Variants in SLCO3A1 observed in about 807,000 individuals in gnomAD.
SLCO3A1 encodes PGE1 transporter.
A neutral mutation model predicts 63.1 loss-of-function variants in SLCO3A1; 27 were observed. The ratio of observed to expected loss-of-function variants is 0.43; its 90% CI spans 0.32 to 0.59. The LOEUF (loss-of-function observed/expected upper bound fraction) is 0.59, where lower values mean the gene tolerates loss of function less well. SLCO3A1 is among the 20% of genes least tolerant of loss of function. SLCO3A1 has a pLI of 0.09. For synonymous variants in SLCO3A1, 473 were observed against 409.9 expected, an observed-to-expected ratio of 1.15 and a Z score of -1.86; for missense variants, 773 against 945.8, an observed-to-expected ratio of 0.82 and a Z score of 2.40.
chr15:91,976,639 C>G (rs1901123997), intron 2 of SLCO3A1, among the ~76,000 whole-genome samples: 1 of 152,112 alleles, frequency 6.6e-6, no homozygotes. Flanking sequence ...AGGTTCTTTT[C>G]TATTTTCCTT....
intron 2 of SLCO3A1, among the ~76,000 whole-genome samples, chr15:91,919,552 C>A (rs1445975696): frequency 6.6e-6 from 1 of 152,236 alleles, no homozygotes; most frequent in Non-Finnish European, 1.5e-5. Flanking sequence ...CAGTGGAGAC[C>A]ACTGGGCCCC....
Position 92,171,816 on chromosome 15 carries a change from G to A in SLCO3A1, c.2033G>A (p.Cys678Tyr), listed in dbSNP as rs185565789. 507 of 1,551,540 alleles carry A rather than the reference G, an allele frequency of 3.3e-4. 1 individual carries two copies. Among genetic ancestry groups the A allele is most frequent in the Non-Finnish European group, 4.2e-4 (476 of 1,146,938 alleles). The change falls in exon 11 of 11, where the codon TGC becomes TAC. Residue 678 changes from cysteine to tyrosine, a missense_variant. By Grantham distance (194) the Cys-to-Tyr change is radical. Transcript: ENST00000424469. ...CAAGACATTGAGACTGAGAAAACCT[G>A]CCCCGAATCACATTCACCTTCAGAA...
At chr15:92,085,138 T>G (rs980220866) in intron 2 of SLCO3A1, among the ~76,000 whole-genome samples, 14 of 152,204 alleles carry the variant, frequency 9.2e-5, no homozygotes, top group African/African-American at 3.4e-4. Flanking sequence ...CTCCCCAGGT[T>G]TCCAGGCAGT....
At chr15:92,124,727 A>G (rs1005135578) in intron 5 of SLCO3A1, among the ~76,000 whole-genome samples, 1 of 152,190 alleles carries the variant, frequency 6.6e-6, no homozygotes, top group African/African-American at 2.4e-5. Flanking sequence ...TGAAAACAGT[A>G]TGGAATCTCA....
chr15:91,966,598 A>C (rs994288711), intron 2 of SLCO3A1, among the ~76,000 whole-genome samples: 1 of 152,196 alleles, frequency 6.6e-6, no homozygotes, highest in African/African-American at 2.4e-5. Context: ...AATTTTGAGG[A>C]CTCAAGTTTT....
intron 4 of SLCO3A1, among the ~76,000 whole-genome samples, chr15:92,107,272 A>G (rs2047677993): frequency 6.6e-6 from 1 of 152,272 alleles, no homozygotes. Context: ...AAAAGAAGAA[A>G]GTGTTTCTGC....
intron 2 of SLCO3A1, among the ~76,000 whole-genome samples, chr15:92,073,111 A>G (rs2047236353): frequency 6.6e-6 from 1 of 152,122 alleles, no homozygotes; most frequent in Non-Finnish European, 1.5e-5. Flanking sequence ...GAGTTTTAGC[A>G]GAGAGAGCTT....
rs563822068 is a variant in SLCO3A1, at chr15:92,089,008, A to ATTTTTTAT, written c.647-5871_647-5870insTTTTATTT. The stretch of plus-strand genomic sequence containing the variant: ...TTACCCCAGCTTTATTTATTTATTT[A>ATTTTTTAT]TTATTTATTTATTTATTTATTTATT... On this transcript the variant is annotated intron_variant, in intron 2 of 9. Coordinates refer to ENST00000318445, the MANE Select transcript of SLCO3A1 (RefSeq NM_013272.4). Among the ~76,000 whole-genome samples, 668 of 90,574 alleles carry ATTTTTTAT rather than the reference A, an allele frequency of 7.4e-3. 4 individuals carry two copies. The highest frequency in any genetic ancestry group is 0.016 in the South Asian group (51 of 3,202). 59.4% of individuals were successfully genotyped at this position (90,574 alleles called of 152,430 possible). A position where few individuals can be genotyped will look rare whatever the true frequency, so the allele number is the denominator to read the frequency against.
At chr15:92,046,174 TA>T (rs2046860042) in intron 2 of SLCO3A1, among the ~76,000 whole-genome samples, 1 of 152,136 alleles carries the variant, frequency 6.6e-6, no homozygotes, top group Non-Finnish European at 1.5e-5. Context: ...TGTCAGATTG[TA>T]AGCTATATTG....
At chr15:92,080,980 GTGTGTA>G (rs1354852981) in intron 2 of SLCO3A1, among the ~76,000 whole-genome samples, 6 of 143,504 alleles carry the variant, frequency 4.2e-5, no homozygotes, top group African/African-American at 1.5e-4. Context: ...GTGTGTGTGT[GTGTGTA>G]TGGGGTACGT....
rs76174488 is a variant in SLCO3A1, at chr15:92,058,581, G to A, written c.647-36300G>A. 1.1e-4 allele frequency among the ~76,000 whole-genome samples: 16 copies of A among 152,212 alleles called. No individual in the cohort carries two copies. In the East Asian group the frequency reaches 1.5e-3, roughly 15 times the overall value. ...AAATGTGGCCCATCACCCCATTCAC[G>A]TAGGGACACCTAGTGTTCTCTGGGA... is the stretch of plus-strand genomic sequence containing the variant. On this transcript the variant is annotated intron_variant, in intron 2 of 9. Transcript: ENST00000318445.
At chr15:91,933,072 C>T (rs1315540991) in intron 2 of SLCO3A1, among the ~76,000 whole-genome samples, 2 of 152,134 alleles carry the variant, frequency 1.3e-5, no homozygotes. Flanking sequence ...GAAAAATCCT[C>T]CCCAATTACT....
chr15:91,943,863 G>C (rs907473812), intron 2 of SLCO3A1, among the ~76,000 whole-genome samples: 2 of 152,144 alleles, frequency 1.3e-5, no homozygotes, highest in East Asian at 1.9e-4. Context: ...CCAATGACCT[G>C]GTTCCCTCTT....
intron 1 of SLCO3A1, among the ~76,000 whole-genome samples, chr15:91,873,547 C>T (rs987471917): frequency 4.6e-5 from 7 of 151,768 alleles, no homozygotes; most frequent in African/African-American, 1.2e-4. Flanking sequence ...CACACACACA[C>T]ACACACACAC....
chr15:92,039,300 A>G lies in SLCO3A1; in HGVS notation c.647-55581A>G, dbSNP rs997484813. On this transcript the variant is annotated intron_variant, in intron 2 of 9. Transcript: ENST00000318445. The stretch of plus-strand genomic sequence containing the variant: ...TCACAGTAAACAGGGAGACTATAGA[A>G]TGGAAGAAAAATTTTGCAATCTACC... Among the ~76,000 whole-genome samples the G allele has an allele frequency of 4.6e-5, 7 of 152,340 alleles. No homozygotes were observed. The South Asian group carries it at 1.2e-3, about 27-fold the overall frequency.
At chr15:91,981,512 A>C (rs1296568718) in intron 2 of SLCO3A1, among the ~76,000 whole-genome samples, 2 of 151,872 alleles carry the variant, frequency 1.3e-5, no homozygotes, top group Non-Finnish European at 2.9e-5. Context: ...AGTTCTTCCC[A>C]TCCTGCAGAG....
rs1189829783 is a variant in SLCO3A1 at position 91,857,065 on chromosome 15, TGTGTGA to T, written c.180+2979_180+2984del. On this transcript the variant is annotated intron_variant, in intron 1 of 9. Transcript: ENST00000318445. ...GTGTGTGTGTGTGTGTGTGTGTGTG[TGTGTGA>T]GAGAGAGAGAGAGAAAATGTGTGTG... Among the ~76,000 whole-genome samples the T allele has an allele frequency of 2.0e-3, 278 of 137,798 alleles. 1 individual carries two copies. Among genetic ancestry groups the T allele is most frequent in the African/African-American group, 4.1e-3 (131 of 31,660 alleles). 90.4% of individuals were successfully genotyped at this position (137,798 alleles called of 152,430 possible). A position where few individuals can be genotyped will look rare whatever the true frequency, so the allele number is the denominator to read the frequency against.
chr15:91,969,956 T>C (rs1177978007), intron 2 of SLCO3A1, among the ~76,000 whole-genome samples: 2 of 152,194 alleles, frequency 1.3e-5, no homozygotes, highest in African/African-American at 4.8e-5. Context: ...GCTAGTTCTG[T>C]GTGTGTCAAA....
chr15:91,953,134 A>G (rs988221942), intron 2 of SLCO3A1, among the ~76,000 whole-genome samples: 2 of 152,240 alleles, frequency 1.3e-5, no homozygotes. Context: ...AATCCTGGAA[A>G]CAAGGCCCAG....
Sources: gnomAD v4.1 joint callset for allele counts (sites outside exome capture counted in the v4.1 genomes callset) on GRCh38, gnomAD v4.1.1 for gene constraint, MANE v1.5 for transcripts, NCBI Gene and HGNC (gene_info 2026-07-23, HGNC 2026-07-21) for gene names.